The following THOC6 variants were observed in gnomAD, a reference collection of about 807,000 sequenced individuals.
THOC6 encodes the protein THO complex subunit 6.
A neutral mutation model predicts 55.8 loss-of-function variants in THOC6; 39 were observed. The observed-to-expected ratio is 0.70, with a 90% confidence interval of 0.54 to 0.91. The LOEUF is 0.91. THOC6 is among the 40% of genes least tolerant of loss of function. THOC6 has a pLI of 0.00. For synonymous variants in THOC6, 192 were observed against 175.6 expected (o/e 1.09, Z -0.74); for missense variants, 482 against 442.0 (o/e 1.09, Z -0.81).
chr16:3,027,353 C>T lies in THOC6; in HGVS notation c.811-13C>T. 6.2e-7 allele frequency: 1 copy of T among 1,613,440 alleles called. No individual in the cohort carries two copies. The highest frequency in any genetic ancestry group is 8.5e-7 in the Non-Finnish European group (1 of 1,179,580). On this transcript the variant is annotated splice_polypyrimidine_tract_variant and intron_variant, in intron 11 of 12. Transcript: ENST00000326266. ...CAGTCCTGACCCCTGAGCACCTTCC[C>T]TGTCCTCTGCAGATTCTGTCAGCTG...
At chr16:3,025,432 C>T (rs991559117) in intron 1 of THOC6, among the ~76,000 whole-genome samples, 2 of 152,248 alleles carry the variant, frequency 1.3e-5, no homozygotes, top group African/African-American at 4.8e-5. Flanking sequence ...CTTCTGTGAG[C>T]TCCATTTGTC....
At chr16:3,025,239 G>C (rs2072755833) in intron 1 of THOC6, among the ~76,000 whole-genome samples, 1 of 152,130 alleles carries the variant, frequency 6.6e-6, no homozygotes, top group Non-Finnish European at 1.5e-5. Context: ...ACTGCGCCCG[G>C]CCCCACATTT....
At chr16:3,025,037 G>A (rs536206956) in intron 1 of THOC6, among the ~76,000 whole-genome samples, 1 of 146,178 alleles carries the variant, frequency 6.8e-6, no homozygotes, top group Non-Finnish European at 1.5e-5. Context: ...CCGCCTCCCA[G>A]ATTCAAGCAA....
intron 2 of THOC6, 24 bp downstream of exon 2, chr16:3,025,847 A>G (rs991344465): frequency 8.7e-6 from 14 of 1,614,132 alleles, no homozygotes; most frequent in Non-Finnish European, 1.2e-5. Context: ...CTGTCCACCC[A>G]TTAGCCCTGG....
At chr16:3,024,442 G>A (rs553726630) in intron 1 of THOC6, 77 bp downstream of exon 1, 41 of 1,566,442 alleles carry the variant, frequency 2.6e-5, no homozygotes, top group Non-Finnish European at 3.0e-5. Flanking sequence ...GCAGGGAATC[G>A]TGCCCTGAGC....
chr16:3,024,445 C>T, intron 1 of THOC6, 80 bp downstream of exon 1: 2 of 1,567,540 alleles, frequency 1.3e-6, no homozygotes, highest in South Asian at 2.2e-5. Context: ...GGGAATCGTG[C>T]CCTGAGCCCT....
chr16:3,024,429 C>G lies in THOC6; in HGVS notation c.39+64C>G, dbSNP rs1243123491. ...TAGTTCACGCATGGCTGGGACGGGG[C>G]GGGCAGGGAATCGTGCCCTGAGCCC... On this transcript the variant is annotated intron_variant, in intron 1 of 12. Coordinates refer to ENST00000326266, the MANE Select transcript of THOC6 (RefSeq NM_024339.5). The G allele has an allele frequency of 2.5e-6, 4 of 1,597,352 alleles. No individual in the cohort carries two copies. In the East Asian group the frequency reaches 6.7e-5, roughly 27 times the overall value.
intron 2 of THOC6, 45 bp from the exon 3 acceptor site, chr16:3,025,879 A>G: frequency 2.5e-6 from 4 of 1,614,132 alleles, no homozygotes; most frequent in Non-Finnish European, 3.4e-6. Context: ...CATGGGACGG[A>G]TGCCCCCGTT....
rs1168340967 is a variant in THOC6 at position 3,024,220 on chromosome 16, T to A, written c.-107T>A. ...TTCGGGACGGTACGCACCAGCCACCTTCGCGCCGAAGGCGGTAGGGCGCCA... is the reference window on the plus strand; with the variant it reads ...TTCGGGACGGTACGCACCAGCCACCATCGCGCCGAAGGCGGTAGGGCGCCA... On this transcript the variant is annotated 5_prime_UTR_variant, in exon 1 of 13. Transcript: ENST00000326266. The A allele has an allele frequency of 6.9e-7, 1 of 1,451,964 alleles. No homozygotes were observed. Among genetic ancestry groups the A allele is most frequent in the East Asian group, 2.3e-5 (1 of 42,706 alleles). The allele number at this position is 1,451,964 out of a possible 1,614,324, so 89.9% of individuals were successfully genotyped here. A position where few individuals can be genotyped will look rare whatever the true frequency, so the allele number is the denominator to read the frequency against.
chr16:3,026,917 G>C lies in THOC6; in HGVS notation c.636+1G>C. 1.2e-6 allele frequency: 2 copies of C among 1,614,220 alleles called. No individual in the cohort carries two copies. The highest frequency in any genetic ancestry group is 1.7e-6 in the Non-Finnish European group (2 of 1,180,038). On this transcript the variant is annotated splice_donor_variant, in intron 9 of 12. Coordinates refer to ENST00000326266, the MANE Select transcript of THOC6 (RefSeq NM_024339.5). LOFTEE classifies it high-confidence loss of function. ...GACGATCGAGGTCTATAAGCACGAGGTGAGGGTGTGACCGTGGCCATTGTC... is the reference window on the plus strand; with the variant it reads ...GACGATCGAGGTCTATAAGCACGAGCTGAGGGTGTGACCGTGGCCATTGTC...
At position 3,024,352 on chromosome 16, in the gene THOC6, T is replaced by C; in HGVS notation, c.26T>C (p.Val9Ala). ...ATGGAGCGAGCTGTGCCGCTCGCGG[T>C]GCCTCTGGGTCAGGTGAGACGGACG... The part of the protein sequence containing the change: MERAVPLA[V>A]PLGQTEVFQA... The change falls in exon 1 of 13, where the codon GTG becomes GCG. Residue 9 changes from valine (V) to alanine (A), a missense_variant. Coordinates refer to ENST00000326266, the MANE Select transcript of THOC6 (RefSeq NM_024339.5). 8 of 1,614,104 alleles carry C rather than the reference T, an allele frequency of 5.0e-6. No individual in the cohort carries two copies. Among genetic ancestry groups the C allele is most frequent in the Non-Finnish European group, 6.8e-6 (8 of 1,179,996 alleles).
In THOC6 at chr16:3,027,704, A is replaced by ATT. The variant is rs756033587; in HGVS notation, c.*50_*51dup. The ATT allele has an allele frequency of 7.2e-7, 1 of 1,384,296 alleles. No individual in the cohort carries two copies. The highest frequency in any genetic ancestry group is 2.9e-5 in the Admixed American group (1 of 34,576). 85.8% of individuals were successfully genotyped at this position (1,384,296 alleles called of 1,614,324 possible). ...AGCTCAGGGTTTTAGAGTGTTTTTCATTTTCTTTTTTTTTTTTTTTTTACA... is the reference window on the plus strand; with the variant it reads ...AGCTCAGGGTTTTAGAGTGTTTTTCATTTTTTCTTTTTTTTTTTTTTTTTACA... On this transcript the variant is annotated 3_prime_UTR_variant, in exon 13 of 13. Coordinates refer to ENST00000326266, the MANE Select transcript of THOC6 (RefSeq NM_024339.5).
rs775651053 is a variant in THOC6 at position 3,024,338 on chromosome 16, T to TGTGCCGCTCGCG, written c.18_29dup (p.Ala8_Leu11dup). The TGTGCCGCTCGCG allele has an allele frequency of 3.7e-6, 6 of 1,614,120 alleles. No homozygotes were observed. In the East Asian group the frequency reaches 1.1e-4, roughly 30 times the overall value. On this transcript the variant is annotated inframe_insertion, in exon 1 of 13. Coordinates refer to ENST00000326266, the MANE Select transcript of THOC6 (RefSeq NM_024339.5). Reference sequence around the variant, plus strand: ...TTGTAGTTCTGGAGATGGAGCGAGCTGTGCCGCTCGCGGTGCCTCTGGGTC... The same window carrying TGTGCCGCTCGCG: ...TTGTAGTTCTGGAGATGGAGCGAGCTGTGCCGCTCGCGGTGCCGCTCGCGGTGCCTCTGGGTC...
chr16:3,027,037 C>G lies in THOC6; in HGVS notation c.663C>G (p.Arg221=), dbSNP rs1479610565. The G allele has an allele frequency of 6.2e-7, 1 of 1,614,224 alleles. No homozygotes were observed. Among genetic ancestry groups the G allele is most frequent in the East Asian group, 2.2e-5 (1 of 44,888 alleles). Residue 221 remains arginine (R), a synonymous_variant, in exon 10 of 13, where the codon CGC becomes CGG. Coordinates refer to ENST00000326266, the MANE Select transcript of THOC6 (RefSeq NM_024339.5). ...HEECSRPHNG[R]WIGCLATDSD... Reference sequence around the variant, plus strand: ...AGTGCTCGAGGCCCCACAATGGGCGCTGGATTGGATGTTTGGCAACTGATT... The same window carrying G: ...AGTGCTCGAGGCCCCACAATGGGCGGTGGATTGGATGTTTGGCAACTGATT...
chr16:3,027,469 T>A lies in THOC6; in HGVS notation c.914T>A (p.Leu305His). Residue 305 changes from leucine to histidine, a missense_variant, in exon 12 of 13, where the codon CTC (leucine) becomes CAC (histidine). Physicochemically the swap from Leu to His is moderately conservative, Grantham distance 99. Transcript: ENST00000326266. The part of the protein sequence containing the change: ...GSSPGLLSLS[L>H]NQQPAAPECK... ...TCCCCAGGGCTGCTCAGCCTCAGCC[T>A]CAACCAGCAGCCTGCCGCGCCTGAG... 1 of 1,610,388 alleles carries A rather than the reference T, an allele frequency of 6.2e-7. No homozygotes were observed. Among genetic ancestry groups the A allele is most frequent in the Non-Finnish European group, 8.5e-7 (1 of 1,178,178 alleles).
chr16:3,025,769 C>G lies in THOC6; in HGVS notation c.101C>G (p.Pro34Arg). The G allele has an allele frequency of 1.9e-6, 3 of 1,614,218 alleles. No individual in the cohort carries two copies. The highest frequency in any genetic ancestry group is 2.5e-6 in the Non-Finnish European group (3 of 1,180,046). Residue 34 changes from proline (P) to arginine (R), a missense_variant, in exon 2 of 13, where the codon CCA becomes CGA. Transcript: ENST00000326266. ...ACCATCTTCTCCCAGAGCGTCTCACCATGTGGGAAGTTTCTGGCGGCTGGC... is the reference window on the plus strand; with the variant it reads ...ACCATCTTCTCCCAGAGCGTCTCACGATGTGGGAAGTTTCTGGCGGCTGGC... ...HMTIFSQSVS[P>R]CGKFLAAGNN...
chr16:3,027,646 C>T lies in THOC6; in HGVS notation c.1015C>T (p.Leu339=). The T allele has an allele frequency of 6.2e-7, 1 of 1,614,140 alleles. No homozygotes were observed. The highest frequency in any genetic ancestry group is 1.3e-5 in the African/African-American group (1 of 75,062). ...FTNLGYRAFS[L]SF Reference sequence around the variant, plus strand: ...CAACCTGGGTTACCGAGCCTTCTCCCTGTCCTTCTGATCTCTGACGACACC... The same window carrying T: ...CAACCTGGGTTACCGAGCCTTCTCCTTGTCCTTCTGATCTCTGACGACACC... The change falls in exon 13 of 13, where the codon CTG becomes TTG. Residue 339 remains leucine, a synonymous_variant. Transcript: ENST00000326266.
Position 3,026,730 on chromosome 16 carries a change from A to G in THOC6, c.535A>G (p.Arg179Gly), listed in dbSNP as rs1391129191. The change falls in exon 8 of 13, where the codon AGG becomes GGG. Residue 179 changes from arginine to glycine, a missense_variant. Physicochemically the swap from Arg to Gly is moderately radical, Grantham distance 125. Transcript: ENST00000326266. ...CATCCACTGCCTGGCACTGCGGGAA[A>G]GGAGCCCAGAGGTGCTGTCAGGTGG... is the stretch of plus-strand genomic sequence containing the variant. ...DYIHCLALRE[R>G]SPEVLSGGED... The G allele has an allele frequency of 6.2e-7, 1 of 1,613,952 alleles. No individual in the cohort carries two copies. Among genetic ancestry groups the G allele is most frequent in the East Asian group, 2.2e-5 (1 of 44,868 alleles).
chr16:3,024,480 C>A (rs2072731301), intron 1 of THOC6, 115 bp downstream of exon 1: 1 of 1,334,074 alleles, frequency 7.5e-7, no homozygotes, highest in Non-Finnish European at 1.1e-6. Flanking sequence ...ATTTGTGGGA[C>A]TCAGACTCTG....
Sources: gnomAD v4.1 joint callset for allele counts (sites outside exome capture counted in the v4.1 genomes callset) on GRCh38, gnomAD v4.1.1 for gene constraint, MANE v1.5 for transcripts, NCBI Gene and HGNC (gene_info 2026-07-23, HGNC 2026-07-21) for gene names.